The following PRDX1 variants were observed in gnomAD, a reference collection of about 807,000 sequenced individuals.
PRDX1 encodes peroxiredoxin 1, also known as peroxiredoxin-1.
A neutral mutation model predicts 20.7 loss-of-function variants in PRDX1; 19 were observed. The observed-to-expected ratio is 0.92, with a 90% confidence interval of 0.64 to 1.35. The LOEUF (loss-of-function observed/expected upper bound fraction) is 1.35. Among genes scored for constraint, PRDX1 ranks in the 40% most tolerant of loss-of-function variants. PRDX1 has a pLI of 0.00. For synonymous variants in PRDX1, 89 were observed against 83.9 expected (o/e 1.06, Z -0.33); for missense variants, 226 against 240.0 (o/e 0.94, Z 0.38).
rs568398604 is a variant in PRDX1, at chr1:45,513,755, G to A, written c.514+752C>T. ...CTTGAAGGCAGCATGCTCGTTTTAA[G>A]AGTCATCACCACTCCCTAATCTCAA... On this transcript the variant is annotated intron_variant, in intron 5 of 5. Coordinates refer to ENST00000319248, the MANE Select transcript of PRDX1 (RefSeq NM_181697.3). Among the ~76,000 whole-genome samples the A allele has an allele frequency of 1.1e-4, 16 of 152,348 alleles. No individual in the cohort carries two copies. In the East Asian group the frequency reaches 3.1e-3, roughly 29 times the overall value.
intron 5 of PRDX1, chr1:45,512,783 T>G (rs1235661154): frequency 6.6e-6 from 1 of 152,212 alleles, no homozygotes; most frequent in Non-Finnish European, 1.5e-5. Context: ...GGGGGCAGTC[T>G]CAGCAGGTGT....
chr1:45,517,206 G>A (rs781428847), intron 2 of PRDX1, among the ~76,000 whole-genome samples: 1 of 152,004 alleles, frequency 6.6e-6, no homozygotes, highest in Non-Finnish European at 1.5e-5. Context: ...TATACCCCTG[G>A]GCCCAGGTCA....
intron 5 of PRDX1, among the ~76,000 whole-genome samples, chr1:45,513,927 C>T (rs866858895): frequency 6.6e-6 from 1 of 152,130 alleles, no homozygotes; most frequent in Non-Finnish European, 1.5e-5. Context: ...CAGCCTGACA[C>T]CCTGTGCTAA....
upstream of PRDX1, chr1:45,522,870 A>C (rs1643925747): frequency 6.6e-6 from 1 of 152,148 alleles, no homozygotes; most frequent in Non-Finnish European, 1.5e-5. Context: ...TCACCTCCGG[A>C]GTGTCTGGGA....
intron 1 of PRDX1, 69 bp from the exon 2 acceptor site, chr1:45,519,123 TAA>T (rs2149329734): frequency 9.4e-7 from 1 of 1,060,776 alleles, no homozygotes; most frequent in African/African-American, 1.6e-5. Flanking sequence ...TTCACCTACT[TAA>T]AGAGACTTAG....
rs757405965 is a variant in PRDX1, at chr1:45,515,817, A to T, written c.107-10T>A. On this transcript the variant is annotated splice_polypyrimidine_tract_variant and intron_variant, in intron 2 of 5. Coordinates refer to ENST00000319248, the MANE Select transcript of PRDX1 (RefSeq NM_181697.3). ...AACACAACATATTTTCCTGGGGGGAAAATCGGAGTCATGGTTAGCATTTGA... is the reference window on the plus strand; with the variant it reads ...AACACAACATATTTTCCTGGGGGGATAATCGGAGTCATGGTTAGCATTTGA... The T allele has an allele frequency of 6.5e-7, 1 of 1,547,334 alleles. No homozygotes were observed. The highest frequency in any genetic ancestry group is 2.3e-5 in the Admixed American group (1 of 44,198).
chr1:45,520,723 CAAAAAA>C (rs71052895), intron 1 of PRDX1, among the ~76,000 whole-genome samples: 10 of 57,546 alleles, frequency 1.7e-4, no homozygotes, highest in African/African-American at 2.2e-4. Flanking sequence ...GACTCCGTCT[CAAAAAA>C]AAAAAAAAAA....
At chr1:45,518,740 C>A (rs1224772695) in intron 2 of PRDX1, among the ~76,000 whole-genome samples, 198 bp downstream of exon 2, 1 of 152,156 alleles carries the variant, frequency 6.6e-6, no homozygotes, top group Non-Finnish European at 1.5e-5. Flanking sequence ...TGTGGTTTCT[C>A]CAGAAGTGGT....
rs71052895 is a variant in PRDX1, at chr1:45,520,723, CAAAAAAAA to C, written c.-12+1098_-12+1105del. 7.0e-5 allele frequency among the ~76,000 whole-genome samples: 4 copies of C among 57,534 alleles called. No homozygotes were observed. In the East Asian group the frequency reaches 1.9e-3, roughly 27 times the overall value. 37.7% of individuals were successfully genotyped at this position (57,534 alleles called of 152,430 possible). ...TGGGCGACAGAGCGAGACTCCGTCT[CAAAAAAAA>C]AAAAAAAAAAAAAATACAAAAATTA... is the stretch of plus-strand genomic sequence containing the variant. On this transcript the variant is annotated intron_variant, in intron 1 of 5. Coordinates refer to ENST00000319248, the MANE Select transcript of PRDX1 (RefSeq NM_181697.3).
At chr1:45,515,017 C>A in intron 3 of PRDX1, 22 bp from the exon 4 acceptor site, 2 of 1,613,096 alleles carry the variant, frequency 1.2e-6, no homozygotes, top group South Asian at 1.1e-5. Flanking sequence ...GGCAAACATA[C>A]AGTTACATTC....
At chr1:45,520,736 A>AT (rs1643904242) in intron 1 of PRDX1, among the ~76,000 whole-genome samples, 1 of 145,854 alleles carries the variant, frequency 6.9e-6, no homozygotes, top group East Asian at 2.0e-4. Flanking sequence ...AAAAAAAAAA[A>AT]AAAAAAAAAT....
chr1:45,517,817 A>ATATATACGTGACCC (rs1557614809), intron 2 of PRDX1, among the ~76,000 whole-genome samples: 20 of 51,800 alleles, frequency 3.9e-4, no homozygotes, highest in East Asian at 9.1e-4. Flanking sequence ...ATGACAACAG[A>ATATATACGTGACCC]AAGGAGAGTT....
At chr1:45,514,048 G>A (rs1416635829) in intron 5 of PRDX1, among the ~76,000 whole-genome samples, 1 of 152,180 alleles carries the variant, frequency 6.6e-6, no homozygotes, top group Admixed American at 6.5e-5. Context: ...AAACCCAATT[G>A]TATGTTCCAT....
chr1:45,511,681 T>C (rs1643748390), intron 5 of PRDX1: 1 of 317,432 alleles, frequency 3.2e-6, no homozygotes, highest in Non-Finnish European at 5.7e-6. Context: ...AAAGTTTAAA[T>C]AATTTGCCAA....
At chr1:45,517,452 A>C (rs1643871371) in intron 2 of PRDX1, among the ~76,000 whole-genome samples, 1 of 152,150 alleles carries the variant, frequency 6.6e-6, no homozygotes, top group South Asian at 2.1e-4. Flanking sequence ...AGAAAGGAGG[A>C]GCCTCAACAG....
chr1:45,512,928 GCCAA>G (rs1244685316), intron 5 of PRDX1: 1 of 152,140 alleles, frequency 6.6e-6, no homozygotes, highest in African/African-American at 2.4e-5. Flanking sequence ...CTTGGTGCTA[GCCAA>G]GCTAGCACCT....
intron 2 of PRDX1, among the ~76,000 whole-genome samples, chr1:45,516,008 C>T (rs1379791178): frequency 6.6e-6 from 1 of 152,200 alleles, no homozygotes; most frequent in Non-Finnish European, 1.5e-5. Context: ...CAATCCCATA[C>T]TTTATTCTCC....
At chr1:45,511,877 A>G (rs1204687723) in intron 5 of PRDX1, 1 of 152,382 alleles carries the variant, frequency 6.6e-6, no homozygotes, top group Non-Finnish European at 1.5e-5. Flanking sequence ...AAGGATCAAG[A>G]ACTTAACAGA....
intron 5 of PRDX1, chr1:45,511,723 TAAATA>T: frequency 4.4e-6 from 1 of 227,146 alleles, no homozygotes; most frequent in Non-Finnish European, 8.6e-6. Flanking sequence ...AAAAAAAAGC[TAAATA>T]AACGACACAC....
Sources: gnomAD v4.1 joint callset for allele counts (sites outside exome capture counted in the v4.1 genomes callset) on GRCh38, gnomAD v4.1.1 for gene constraint, MANE v1.5 for transcripts, NCBI Gene and HGNC (gene_info 2026-07-23, HGNC 2026-07-21) for gene names.